Variants in NDUFAF6 observed in about 807,000 individuals in gnomAD.
The protein encoded by NDUFAF6 is NADH:ubiquinone oxidoreductase complex assembly factor 6.
In NDUFAF6, 45 loss-of-function variants were observed where a neutral mutation model predicts 40.8. The ratio of observed to expected loss-of-function variants is 1.10; its 90% confidence interval spans 0.87 to 1.42. The LOEUF (loss-of-function observed/expected upper bound fraction) is 1.42, where lower values mean the gene tolerates loss of function less well. Ranked by LOEUF, NDUFAF6 falls within the 40% of genes most tolerant of loss-of-function variation. NDUFAF6 has a pLI of 0.00. For missense variants in NDUFAF6, 435 were observed against 418.5 expected (o/e 1.04, Z -0.34); for synonymous variants, 185 against 155.9 (o/e 1.19, Z -1.39).
intron 1 of NDUFAF6, among the ~76,000 whole-genome samples, chr8:94,900,088 A>G (rs185346070): frequency 5.3e-5 from 8 of 152,300 alleles, no homozygotes; most frequent in Admixed American, 5.2e-4. Context: ...GTTCTGAAGT[A>G]GGACTTTCCT....
At chr8:95,096,828 A>G (rs1411204034), upstream of NDUFAF6, among the ~76,000 whole-genome samples, 1 of 152,226 alleles carries the variant, frequency 6.6e-6, no homozygotes, top group Non-Finnish European at 1.5e-5. Flanking sequence ...ATGGGGCAAG[A>G]ACGTGCAAGT....
intron 7 of NDUFAF6, among the ~76,000 whole-genome samples, chr8:95,050,805 A>G (rs772021409): frequency 3.3e-5 from 5 of 152,192 alleles, no homozygotes; most frequent in Non-Finnish European, 7.3e-5. Context: ...ATTTATATAT[A>G]TATGTATACA....
At chr8:94,905,694 C>T (rs1392591124) in intron 1 of NDUFAF6, among the ~76,000 whole-genome samples, 4 of 152,226 alleles carry the variant, frequency 2.6e-5, no homozygotes, top group African/African-American at 2.4e-5. Flanking sequence ...TTCTTCCTCT[C>T]CTAGTGTTCT....
chr8:95,080,142 T>C (rs1212734795), downstream of NDUFAF6, among the ~76,000 whole-genome samples: 3 of 138,806 alleles, frequency 2.2e-5, no homozygotes, highest in South Asian at 2.4e-4. Flanking sequence ...ATTTTTGTAG[T>C]GTATTTTTTG....
chr8:95,043,251 ATT>A (rs368450114), intron 4 of NDUFAF6, among the ~76,000 whole-genome samples: 1 of 145,210 alleles, frequency 6.9e-6, no homozygotes, highest in Non-Finnish European at 1.5e-5. Context: ...CACTCGGCTA[ATT>A]TTTTTTTTTT....
downstream of NDUFAF6, among the ~76,000 whole-genome samples, chr8:95,117,560 T>C (rs547797502): frequency 6.6e-6 from 1 of 152,320 alleles, no homozygotes; most frequent in South Asian, 2.1e-4. Context: ...TATTTCACAA[T>C]TAAAAAGTGA....
intron 2 of NDUFAF6, among the ~76,000 whole-genome samples, chr8:95,003,289 G>A (rs981438357): frequency 2.0e-5 from 3 of 152,210 alleles, no homozygotes; most frequent in Admixed American, 1.3e-4. Context: ...ATATGACAAA[G>A]GCTCTAATAG....
chr8:94,946,106 GT>G (rs11301626), intron 2 of NDUFAF6, among the ~76,000 whole-genome samples: 87,497 of 149,034 alleles, frequency 0.59, 27,478 homozygotes, highest in East Asian at 0.78. Flanking sequence ...CTTTTCTTCT[GT>G]TTTTTTTTTT....
At chr8:94,901,472 G>A (rs1818012416) in intron 1 of NDUFAF6, among the ~76,000 whole-genome samples, 1 of 151,980 alleles carries the variant, frequency 6.6e-6, no homozygotes, top group African/African-American at 2.4e-5. Context: ...ACAAGTAAAA[G>A]GCAAGCAACT....
intron 2 of NDUFAF6, among the ~76,000 whole-genome samples, chr8:95,001,018 C>T (rs1420050301): frequency 6.7e-6 from 1 of 149,106 alleles, no homozygotes; most frequent in Non-Finnish European, 1.5e-5. Flanking sequence ...TACAGTGACA[C>T]AATCATGGCT....
At chr8:95,100,105 A>G (rs1809605801), upstream of NDUFAF6, among the ~76,000 whole-genome samples, 1 of 152,112 alleles carries the variant, frequency 6.6e-6, no homozygotes, top group Admixed American at 6.6e-5. Context: ...GACTCAATCC[A>G]GGGCTCTCCC....
chr8:94,984,768 G>A (rs890218862), intron 2 of NDUFAF6, among the ~76,000 whole-genome samples: 1 of 152,224 alleles, frequency 6.6e-6, no homozygotes, highest in Admixed American at 6.5e-5. Context: ...CATGTACACG[G>A]ATGGGAGAGA....
downstream of NDUFAF6, among the ~76,000 whole-genome samples, chr8:95,062,906 A>AT (rs1369779439): frequency 6.6e-6 from 1 of 152,182 alleles, no homozygotes; most frequent in African/African-American, 2.4e-5. Context: ...GTAAATGGGG[A>AT]TTCTGTCTGA....
chr8:95,035,817 TAAC>T (rs1408946792), intron 3 of NDUFAF6, among the ~76,000 whole-genome samples: 1 of 152,258 alleles, frequency 6.6e-6, no homozygotes, highest in Non-Finnish European at 1.5e-5. Flanking sequence ...CTCTACATAA[TAAC>T]TTGTATTTTC....
intron 2 of NDUFAF6, among the ~76,000 whole-genome samples, chr8:95,013,460 T>G (rs1222697938): frequency 6.6e-6 from 1 of 152,200 alleles, no homozygotes; most frequent in Non-Finnish European, 1.5e-5. Flanking sequence ...AATATATACA[T>G]AAATGACATC....
At chr8:95,015,040 G>A (rs558863438) in intron 2 of NDUFAF6, among the ~76,000 whole-genome samples, 3 of 152,280 alleles carry the variant, frequency 2.0e-5, no homozygotes, top group African/African-American at 7.2e-5. Context: ...ACTCTAATTG[G>A]CTGGCCTGGA....
At chr8:94,922,102 G>A (rs183706860) in intron 1 of NDUFAF6, among the ~76,000 whole-genome samples, 5 of 151,938 alleles carry the variant, frequency 3.3e-5, no homozygotes, top group East Asian at 1.9e-4. Context: ...TCCGCCTCCC[G>A]GGTTCAAGGA....
chr8:95,029,850 G>C (rs181083058), intron 1 of NDUFAF6, among the ~76,000 whole-genome samples: 1 of 152,168 alleles, frequency 6.6e-6, no homozygotes, highest in East Asian at 1.9e-4. Context: ...CTATTATTAT[G>C]ATGTTAACCT....
chr8:95,024,894 G>A (rs1827876041), upstream of NDUFAF6: 3 of 917,508 alleles, frequency 3.3e-6, no homozygotes, highest in African/African-American at 1.7e-5. Flanking sequence ...TTTGAGCGGC[G>A]TCCAGAGGCT....
Sources: gnomAD v4.1 joint callset for allele counts (sites outside exome capture counted in the v4.1 genomes callset) on GRCh38, gnomAD v4.1.1 for gene constraint, MANE v1.5 for transcripts, NCBI Gene and HGNC (gene_info 2026-07-23, HGNC 2026-07-21) for gene names.